EIF4G3: variants seen among roughly 807,000 people sequenced by gnomAD.
The protein encoded by EIF4G3 is eIF-4-gamma 3.
In EIF4G3, 34 loss-of-function variants were observed where a neutral mutation model predicts 186.4. That is an observed-to-expected ratio of 0.18 (90% confidence interval 0.14 to 0.24). The LOEUF is 0.24. Among genes scored for constraint, EIF4G3 ranks in the 10% least tolerant of loss-of-function variants. The probability of loss-of-function intolerance (pLI) is 1.00; values close to 1 mark genes in which losing one functional copy is unlikely to be tolerated. For synonymous variants in EIF4G3, 673 were observed against 679.5 expected (o/e 0.99, Z 0.15); for missense variants, 1,536 against 1,948.5 (o/e 0.79, Z 3.99).
chr1:21,066,952 T>A (rs2095264517), intron 3 of EIF4G3, among the ~76,000 whole-genome samples: 1 of 152,188 alleles, frequency 6.6e-6, no homozygotes, highest in African/African-American at 2.4e-5. Context: ...GAAACACATT[T>A]TCAGTTTTCA....
chr1:20,939,024 T>C (rs2095614394), intron 14 of EIF4G3, among the ~76,000 whole-genome samples: 1 of 151,404 alleles, frequency 6.6e-6, no homozygotes, highest in South Asian at 2.1e-4. Context: ...GGAGAATTGC[T>C]TGAACCTGGG....
At chr1:21,146,790 T>C (rs2097450710) in intron 2 of EIF4G3, among the ~76,000 whole-genome samples, 1 of 151,974 alleles carries the variant, frequency 6.6e-6, no homozygotes, top group Non-Finnish European at 1.5e-5. Flanking sequence ...TTACATATTA[T>C]ATGGTGACAA....
rs529056310 is a variant in EIF4G3, at chr1:21,014,525, A to G, written c.-66-11717T>C. On this transcript the variant is annotated intron_variant, in intron 4 of 36. Transcript: ENST00000602326. ...GTCTGTTGTTCCTTTCTTTGCATCC[A>G]TGTGTACTCAGTGTTTAGCTCCCAC... is the stretch of plus-strand genomic sequence containing the variant. 4.0e-5 allele frequency among the ~76,000 whole-genome samples: 6 copies of G among 151,548 alleles called. No homozygotes were observed. The South Asian group carries it at 6.2e-4, about 16-fold the overall frequency.
In EIF4G3 at chr1:20,901,536, C is replaced by T. The variant is rs982046429; in HGVS notation, c.1753-1593G>A. On this transcript the variant is annotated intron_variant, in intron 15 of 36. Coordinates refer to ENST00000602326, the MANE Select transcript of EIF4G3 (RefSeq NM_001391906.1). Reference sequence around the variant, plus strand: ...AATACAGTGCATCCTCTTCTCTGTACCTACAATCAACAACAGTCTATCATA... The same window carrying T: ...AATACAGTGCATCCTCTTCTCTGTATCTACAATCAACAACAGTCTATCATA... Among the ~76,000 whole-genome samples the T allele has an allele frequency of 5.9e-5, 9 of 151,974 alleles. No homozygotes were observed. The East Asian group carries it at 1.3e-3, about 23-fold the overall frequency.
chr1:20,845,918 A>G (rs1352511179), intron 29 of EIF4G3, among the ~76,000 whole-genome samples: 1 of 152,136 alleles, frequency 6.6e-6, no homozygotes, highest in Non-Finnish European at 1.5e-5. Context: ...CATGACAGTG[A>G]TTCTTCCTAT....
chr1:20,862,179 T>G, intron 23 of EIF4G3, 49 bp downstream of exon 23: 1 of 1,183,034 alleles, frequency 8.5e-7, no homozygotes, highest in Non-Finnish European at 1.2e-6. Flanking sequence ...CCCAATTCCT[T>G]TAAAGAGACT....
At chr1:20,966,816 T>C (rs2074793507) in intron 12 of EIF4G3, among the ~76,000 whole-genome samples, 7 of 152,212 alleles carry the variant, frequency 4.6e-5, no homozygotes, top group Admixed American at 4.6e-4. Context: ...GTTGTCATCA[T>C]TATGCTTGTG....
At position 20,942,147 on chromosome 1, in the gene EIF4G3, G is replaced by A; in HGVS notation, c.1007C>T (p.Ala336Val). 6.2e-7 allele frequency: 1 copy of A among 1,614,122 alleles called. No individual in the cohort carries two copies. The highest frequency in any genetic ancestry group is 8.5e-7 in the Non-Finnish European group (1 of 1,179,990). Reference sequence around the variant, plus strand: ...ACTAAGAGCAGAAGAGGTGGGGGCTGCAATTGTACTTCGAGCAACAGAAGA... The same window carrying A: ...ACTAAGAGCAGAAGAGGTGGGGGCTACAATTGTACTTCGAGCAACAGAAGA... The part of the protein sequence containing the change: ...TVSSVARSTI[A>V]APTSSALSSQ... Residue 336 changes from alanine (A) to valine (V), a missense_variant, in exon 14 of 37, where the codon GCA becomes GTA. Physicochemically the swap from Ala to Val is moderately conservative, Grantham distance 64 (BLOSUM62 0). This residue lies in a region of EIF4G3 where 560 missense variants were observed against 547.8 expected (regional missense o/e 1.02). Transcript: ENST00000602326.
chr1:21,078,343 C>T (rs1433622113), intron 3 of EIF4G3, among the ~76,000 whole-genome samples: 1 of 151,754 alleles, frequency 6.6e-6, no homozygotes, highest in African/African-American at 2.4e-5. Context: ...ATGAAATAAG[C>T]CAAGCAAAGA....
chr1:21,007,515 T>TAAAAAA (rs368328382), intron 4 of EIF4G3, among the ~76,000 whole-genome samples: 5 of 14,878 alleles, frequency 3.4e-4, no homozygotes, highest in African/African-American at 6.5e-4. Context: ...GGCCCCTCCT[T>TAAAAAA]AAAAAAAAAA....
chr1:20,904,523 C>G (rs2091473936), intron 15 of EIF4G3, among the ~76,000 whole-genome samples: 1 of 152,060 alleles, frequency 6.6e-6, no homozygotes, highest in South Asian at 2.1e-4. Context: ...TATTTTAAAA[C>G]ATTTTTGTAC....
chr1:21,153,383 C>T (rs2097580935), intron 2 of EIF4G3, among the ~76,000 whole-genome samples: 1 of 152,216 alleles, frequency 6.6e-6, no homozygotes, highest in African/African-American at 2.4e-5. Flanking sequence ...ATAGCTGAGA[C>T]CATTTGAGAA....
intron 13 of EIF4G3, among the ~76,000 whole-genome samples, chr1:20,948,946 T>C (rs1014595751): frequency 7.0e-6 from 1 of 142,210 alleles, no homozygotes; most frequent in African/African-American, 2.6e-5. Flanking sequence ...GAGGAGGAGG[T>C]TGCAGTGAGT....
chr1:21,163,867 G>A (rs1404588489), intron 2 of EIF4G3, among the ~76,000 whole-genome samples: 1 of 152,186 alleles, frequency 6.6e-6, no homozygotes, highest in Non-Finnish European at 1.5e-5. Context: ...CGCCACCTGA[G>A]TTCAAGCGAT....
At chr1:20,841,930 G>C (rs1437032887) in intron 29 of EIF4G3, among the ~76,000 whole-genome samples, 2 of 152,120 alleles carry the variant, frequency 1.3e-5, no homozygotes, top group Non-Finnish European at 2.9e-5. Flanking sequence ...GAAGGGTGAT[G>C]AACTGATGCA....
chr1:20,848,092 G>A lies in EIF4G3; in HGVS notation c.3888+1323C>T, dbSNP rs578195185. 6.0e-5 allele frequency: 19 copies of A among 315,668 alleles called. No individual in the cohort carries two copies. The East Asian group carries it at 1.8e-3, about 30-fold the overall frequency. The allele number at this position is 315,668 out of a possible 1,614,324, so 19.6% of individuals were successfully genotyped here. On this transcript the variant is annotated intron_variant, in intron 29 of 36. Transcript: ENST00000602326. ...AGTGATCCTCCCATCTCAGCCTCCT[G>A]AGTAGCTGGGACTACAGATGCGTGC...
At chr1:20,925,099 G>A (rs1371738174) in intron 14 of EIF4G3, among the ~76,000 whole-genome samples, 2 of 152,156 alleles carry the variant, frequency 1.3e-5, no homozygotes, top group Non-Finnish European at 2.9e-5. Context: ...GTATATGCAA[G>A]CACATATATG....
At chr1:21,094,682 A>G (rs908883209) in intron 2 of EIF4G3, among the ~76,000 whole-genome samples, 1 of 150,982 alleles carries the variant, frequency 6.6e-6, no homozygotes, top group Non-Finnish European at 1.5e-5. Flanking sequence ...ACGACGAGTT[A>G]ATGGGTGCAG....
intron 2 of EIF4G3, among the ~76,000 whole-genome samples, chr1:21,125,722 AATAAATAAATATAT>A (rs1308979585): frequency 4.0e-5 from 6 of 149,324 alleles, no homozygotes; most frequent in Non-Finnish European, 7.4e-5. Flanking sequence ...CTGTATCGAA[AATAAATAAATATAT>A]ATAAATAAAT....
Sources: allele counts gnomAD v4.1 joint callset (sites outside exome capture counted in the v4.1 genomes callset), GRCh38; gene constraint gnomAD v4.1.1; regional missense constraint gnomAD v4.1.1; transcripts MANE v1.5; gene names NCBI Gene and HGNC (gene_info 2026-07-23, HGNC 2026-07-21).